Variants in DOCK1 observed in about 807,000 individuals in gnomAD.
The protein encoded by DOCK1 is dedicator of cytokinesis 1.
In DOCK1, 138 loss-of-function variants were observed where a neutral mutation model predicts 262.7. The observed-to-expected ratio is 0.53, with a 90% CI of 0.46 to 0.61. The LOEUF (loss-of-function observed/expected upper bound fraction) is 0.61. Ranked by LOEUF, DOCK1 falls within the 20% of genes least tolerant of loss-of-function variation. The pLI, the probability that DOCK1 is intolerant of heterozygous loss-of-function variation, is 0.00. For missense variants in DOCK1, 1,908 were observed against 2,370.7 expected, an observed-to-expected ratio of 0.80 and a Z score of 4.05; for synonymous variants, 866 against 867.4, an observed-to-expected ratio of 1.00 and a Z score of 0.03.
chr10:127,362,562 G>A (rs559523854), intron 33 of DOCK1, among the ~76,000 whole-genome samples: 66 of 152,122 alleles, frequency 4.3e-4, no homozygotes, highest in Admixed American at 1.6e-3. Flanking sequence ...CTCTCAGACC[G>A]GCTGCTTATT....
At chr10:127,207,985 C>T (rs960247378) in intron 27 of DOCK1, among the ~76,000 whole-genome samples, 7 of 152,212 alleles carry the variant, frequency 4.6e-5, no homozygotes, top group Non-Finnish European at 7.3e-5. Context: ...TTCCCCTTTG[C>T]TTCTTACATA....
chr10:127,184,988 G>A (rs1460010977), intron 27 of DOCK1, among the ~76,000 whole-genome samples: 4 of 152,154 alleles, frequency 2.6e-5, no homozygotes, highest in Admixed American at 2.0e-4. Flanking sequence ...AGAGAGACAC[G>A]TTGATGCCTG....
chr10:127,407,508 C>T lies in DOCK1; in HGVS notation c.4123-1529C>T, dbSNP rs77905580. On this transcript the variant is annotated intron_variant, in intron 40 of 51. Transcript: ENST00000623213. ...ACATCTGAATTTTGGGGACTACAAA[C>T]GTTCTGACCACAGCAGGGATCAATT... Among the ~76,000 whole-genome samples the T allele has an allele frequency of 5.8e-3, 877 of 152,318 alleles. 5 individuals are homozygous for T. Among genetic ancestry groups the T allele is most frequent in the Middle Eastern group, 0.02 (6 of 294 alleles).
Position 127,175,676 on chromosome 10 carries a change from G to A in DOCK1, c.2847+47912G>A, listed in dbSNP as rs770775490. The A allele has an allele frequency of 8.1e-6, 13 of 1,613,552 alleles. No homozygotes were observed. The highest frequency in any genetic ancestry group is 6.7e-5 in the East Asian group (3 of 44,872). ...ACACCCTCCTGAGGGCAGGTGGAGCGGGCTCCTCGGAGTTTGGCCTCCCCC... is the reference window on the plus strand; with the variant it reads ...ACACCCTCCTGAGGGCAGGTGGAGCAGGCTCCTCGGAGTTTGGCCTCCCCC... On this transcript the variant is annotated intron_variant, in intron 27 of 51. Transcript: ENST00000623213. The surrounding 1 kb of genome is among the most constrained non-coding windows in gnomAD (Gnocchi z 6.3).
intron 23 of DOCK1, among the ~76,000 whole-genome samples, chr10:127,093,242 C>CTT (rs200302331): frequency 0.055 from 4,387 of 79,208 alleles, 397 homozygotes; most frequent in African/African-American, 0.17. Flanking sequence ...TTTCTTTCTT[C>CTT]TTTTTTTTTT....
rs1422939982 is a variant in DOCK1 at position 127,437,974 on chromosome 10, G to A, written c.5061-1053G>A. 1.3e-5 allele frequency among the ~76,000 whole-genome samples: 2 copies of A among 152,220 alleles called. No homozygotes were observed. The highest frequency in any genetic ancestry group is 2.4e-5 in the African/African-American group (1 of 41,458). ...AAGTCAGGTTTGGAAGTTGCTGTGA[G>A]GCTCAGAGCTCCAAAGAGCAGGCTG... On this transcript the variant is annotated intron_variant, in intron 48 of 51. Coordinates refer to ENST00000623213, the MANE Select transcript of DOCK1 (RefSeq NM_001290223.2). This position sits in a 1 kb window ranked among gnomAD's most constrained non-coding sequence, Gnocchi z 4.4.
At chr10:126,953,181 G>A (rs1199681670) in intron 1 of DOCK1, among the ~76,000 whole-genome samples, 1 of 151,786 alleles carries the variant, frequency 6.6e-6, no homozygotes, top group Non-Finnish European at 1.5e-5. Flanking sequence ...GTTATTGGCA[G>A]CGATGGCAGT....
intron 27 of DOCK1, among the ~76,000 whole-genome samples, chr10:127,218,385 A>T (rs148078565): frequency 6.6e-6 from 1 of 152,136 alleles, no homozygotes; most frequent in African/African-American, 2.4e-5. Context: ...TTTTGGTTGG[A>T]GGTGGTGATA....
intron 29 of DOCK1, among the ~76,000 whole-genome samples, chr10:127,335,301 G>A (rs891182800): frequency 1.3e-5 from 2 of 152,120 alleles, no homozygotes; most frequent in Non-Finnish European, 2.9e-5. Flanking sequence ...TGCAGAGTCA[G>A]GCGCATTCAT....
chr10:127,000,502 T>G, intron 10 of DOCK1, 195 bp downstream of exon 10: 1 of 736,558 alleles, frequency 1.4e-6, no homozygotes, highest in South Asian at 2.5e-5. Context: ...GCTCTAGTCC[T>G]CAAGTTTCAG....
intron 27 of DOCK1, among the ~76,000 whole-genome samples, chr10:127,187,497 G>A (rs2056381601): frequency 6.6e-6 from 1 of 152,156 alleles, no homozygotes. Flanking sequence ...GCATAGGTGT[G>A]GATGAAATGG....
At chr10:127,303,707 A>T (rs1042238257) in intron 29 of DOCK1, among the ~76,000 whole-genome samples, 2 of 147,656 alleles carry the variant, frequency 1.4e-5, no homozygotes, top group Non-Finnish European at 3.0e-5. Flanking sequence ...AAAAATTTTT[A>T]AAAATTAGCC....
rs1307468923 is a variant in DOCK1 at position 127,403,271 on chromosome 10, G to A, written c.4017+127G>A. On this transcript the variant is annotated intron_variant, in intron 39 of 51. Transcript: ENST00000623213. The stretch of plus-strand genomic sequence containing the variant: ...TCTGGGACCTTGGCCATGTCCCTCC[G>A]TTTTGCCTAGGAAGATGGTTTTAGT... 3.2e-5 allele frequency: 28 copies of A among 862,524 alleles called. No individual in the cohort carries two copies. In the Admixed American group the frequency reaches 5.0e-4, roughly 15 times the overall value. The allele number at this position is 862,524 out of a possible 1,614,324, so 53.4% of individuals were successfully genotyped here.
At chr10:126,955,973 A>G (rs1476457446) in intron 1 of DOCK1, among the ~76,000 whole-genome samples, 1 of 152,170 alleles carries the variant, frequency 6.6e-6, no homozygotes, top group African/African-American at 2.4e-5. Flanking sequence ...GTTAAAACAG[A>G]TGACAAAGGC....
chr10:127,022,491 C>T (rs964107588), intron 13 of DOCK1, among the ~76,000 whole-genome samples: 2 of 152,062 alleles, frequency 1.3e-5, no homozygotes, highest in Non-Finnish European at 2.9e-5. Context: ...GTGGCAGGAT[C>T]TCGGTTTGCG....
chr10:127,106,233 G>C lies in DOCK1; in HGVS notation c.2448G>C (p.Gly816=), dbSNP rs1207488399. The change falls in exon 24 of 52, where the codon GGG becomes GGC. Residue 816 remains glycine (G), a splice_region_variant and synonymous_variant. Coordinates refer to ENST00000623213, the MANE Select transcript of DOCK1 (RefSeq NM_001290223.2). The part of the protein sequence containing the change: ...SMSDQTVRVK[G]AALKYLPTIV... Reference sequence around the variant, plus strand: ...CCTTCTTGTTTCTTGATTTGCAGGGGGCAGCACTGAAATACTTACCAACGA... The same window carrying C: ...CCTTCTTGTTTCTTGATTTGCAGGGCGCAGCACTGAAATACTTACCAACGA... The C allele has an allele frequency of 6.3e-7, 1 of 1,584,250 alleles. No individual in the cohort carries two copies. The highest frequency in any genetic ancestry group is 1.3e-5 in the African/African-American group (1 of 74,718).
chr10:127,447,232 C>T (rs1458799016), intron 50 of DOCK1, among the ~76,000 whole-genome samples, 162 bp from the exon 51 acceptor site: 3 of 152,168 alleles, frequency 2.0e-5, no homozygotes, highest in African/African-American at 4.8e-5. Context: ...CCTTTGTGTT[C>T]GCTCCCTCCC....
At chr10:126,998,504 C>T (rs2040367693) in intron 8 of DOCK1, 4 of 397,786 alleles carry the variant, frequency 1.0e-5, no homozygotes, top group East Asian at 3.7e-5. Flanking sequence ...ACACTCTGGC[C>T]GTATCTTAAG....
Position 127,176,115 on chromosome 10 carries a change from C to G in DOCK1, c.2847+48351C>G, listed in dbSNP as rs780369218. 8 of 1,614,126 alleles carry G rather than the reference C, an allele frequency of 5.0e-6. No homozygotes were observed. The highest frequency in any genetic ancestry group is 2.2e-5 in the South Asian group (2 of 91,084). Reference sequence around the variant, plus strand: ...GCTCTTGGTGACGTTGGGGATGGACCTGCGTGCGGGCACTGTCATGTATTT... The same window carrying G: ...GCTCTTGGTGACGTTGGGGATGGACGTGCGTGCGGGCACTGTCATGTATTT... On this transcript the variant is annotated intron_variant, in intron 27 of 51. Transcript: ENST00000623213. This position sits in a 1 kb window ranked among gnomAD's most constrained non-coding sequence, Gnocchi z 4.4.
Sources: allele counts gnomAD v4.1 joint callset (sites outside exome capture counted in the v4.1 genomes callset), GRCh38; gene constraint gnomAD v4.1.1; non-coding constraint Gnocchi (gnomAD v3.1); transcripts MANE v1.5; gene names NCBI Gene and HGNC (gene_info 2026-07-23, HGNC 2026-07-21).